SLC20A2: variants seen among roughly 807,000 people sequenced by gnomAD.
SLC20A2 encodes solute carrier family 20 member 2.
Under a neutral mutation model 61.0 loss-of-function variants are expected in SLC20A2, and 30 were observed. The ratio of observed to expected loss-of-function variants is 0.49; its 90% CI spans 0.37 to 0.67. The LOEUF is 0.67. Ranked by LOEUF, SLC20A2 falls within the 30% of genes least tolerant of loss-of-function variation. SLC20A2 has a pLI of 0.00. For synonymous variants in SLC20A2, 351 were observed against 353.3 expected (o/e 0.99, Z 0.07); for missense variants, 626 against 866.4 (o/e 0.72, Z 3.48).
chr8:42,488,824 C>T (rs1809261346), intron 1 of SLC20A2, among the ~76,000 whole-genome samples: 2 of 151,976 alleles, frequency 1.3e-5, no homozygotes, highest in Middle Eastern at 3.4e-3. Context: ...CATCTTTTCA[C>T]ATGCTTGTTG....
chr8:42,503,867 C>G (rs1810471444), upstream of SLC20A2, among the ~76,000 whole-genome samples: 1 of 152,172 alleles, frequency 6.6e-6, no homozygotes, highest in Admixed American at 6.5e-5. Flanking sequence ...CAAGAAACAT[C>G]AACTAAATAC....
At chr8:42,451,409 GAGA>G (rs1194246459) in intron 5 of SLC20A2, among the ~76,000 whole-genome samples, 1 of 147,730 alleles carries the variant, frequency 6.8e-6, no homozygotes, top group Non-Finnish European at 1.5e-5. Context: ...AGAGATAGAG[GAGA>G]AGGAGTAGGA....
At chr8:42,456,078 C>T (rs1026106028) in intron 5 of SLC20A2, among the ~76,000 whole-genome samples, 1 of 151,928 alleles carries the variant, frequency 6.6e-6, no homozygotes, top group Non-Finnish European at 1.5e-5. Context: ...ATTTACTCTC[C>T]CAGTAAGATG....
At chr8:42,527,784 A>G (rs1812072616) in intron 1 of SLC20A2, among the ~76,000 whole-genome samples, 1 of 152,184 alleles carries the variant, frequency 6.6e-6, no homozygotes, top group South Asian at 2.1e-4. Context: ...AAATAAATAA[A>G]TAAAGGAAAA....
At chr8:42,519,443 TAA>T (rs11284092) in intron 1 of SLC20A2, among the ~76,000 whole-genome samples, 9 of 136,422 alleles carry the variant, frequency 6.6e-5, no homozygotes, top group African/African-American at 1.2e-4. Context: ...GACTCCATCT[TAA>T]AAAAAAAAAA....
chr8:42,540,460 C>T (rs566954548), intron 1 of SLC20A2, among the ~76,000 whole-genome samples: 17 of 152,200 alleles, frequency 1.1e-4, no homozygotes, highest in African/African-American at 3.9e-4. Flanking sequence ...TCCTGATTTT[C>T]CAACTTTAGA....
chr8:42,510,125 G>T (rs992755012), intron 1 of SLC20A2, among the ~76,000 whole-genome samples: 1 of 152,092 alleles, frequency 6.6e-6, no homozygotes, highest in Non-Finnish European at 1.5e-5. Flanking sequence ...TTTATTACTT[G>T]AATCAACAAA....
In SLC20A2 at chr8:42,416,642, A is replaced by T. The variant is rs1215322031; in HGVS notation, c.*1161T>A. 1.3e-5 allele frequency: 2 copies of T among 152,248 alleles called. No individual in the cohort carries two copies. Among genetic ancestry groups the T allele is most frequent in the African/African-American group, 4.8e-5 (2 of 41,296 alleles). The allele number at this position is 152,248 out of a possible 1,614,324, so 9.4% of individuals were successfully genotyped here. ...CCTCCCGCTATCAAAAAAAGAAGAG[A>T]CTCCAATGGGATGGAGTAGAGCCTG... is the stretch of plus-strand genomic sequence containing the variant. On this transcript the variant is annotated 3_prime_UTR_variant, in exon 11 of 11. Transcript: ENST00000520262.
chr8:42,531,693 G>A (rs1424279569), intron 1 of SLC20A2, among the ~76,000 whole-genome samples: 1 of 152,086 alleles, frequency 6.6e-6, no homozygotes, highest in East Asian at 1.9e-4. Context: ...GAAACGAAAA[G>A]GGTTGGTTGT....
chr8:42,469,329 C>CA lies in SLC20A2; in HGVS notation c.289+2772dup, dbSNP rs368452294. Among the ~76,000 whole-genome samples, 394 of 141,270 alleles carry CA rather than the reference C, an allele frequency of 2.8e-3. 2 individuals are homozygous for CA. Among genetic ancestry groups the CA allele is most frequent in the Middle Eastern group, 3.6e-3 (1 of 274 alleles). 92.7% of individuals were successfully genotyped at this position (141,270 alleles called of 152,430 possible). A position where few individuals can be genotyped will look rare whatever the true frequency, so the allele number is the denominator to read the frequency against. ...CTTTGAGATTCATTTAACCACATAC[C>CA]AAAAAAAAAAAAGTTTAAAAACCAA... On this transcript the variant is annotated intron_variant, in intron 2 of 10. Coordinates refer to ENST00000520262, the MANE Select transcript of SLC20A2 (RefSeq NM_001257180.2).
At chr8:42,497,448 T>C (rs1810008878) in intron 1 of SLC20A2, among the ~76,000 whole-genome samples, 1 of 152,118 alleles carries the variant, frequency 6.6e-6, no homozygotes, top group South Asian at 2.1e-4. Context: ...GAATCTGCAT[T>C]TCTCACATGT....
chr8:42,450,603 A>G (rs1347837538), intron 5 of SLC20A2, among the ~76,000 whole-genome samples: 1 of 151,890 alleles, frequency 6.6e-6, no homozygotes, highest in Non-Finnish European at 1.5e-5. Flanking sequence ...CACTCACTGC[A>G]GCCTCCGCCT....
intron 3 of SLC20A2, 194 bp from the exon 4 acceptor site, chr8:42,463,284 C>T: frequency 4.3e-6 from 2 of 467,576 alleles, no homozygotes; most frequent in South Asian, 6.4e-5. Flanking sequence ...TGGCCACACT[C>T]AGACATCAAC....
intron 2 of SLC20A2, among the ~76,000 whole-genome samples, chr8:42,466,854 G>C (rs1184350698): frequency 6.7e-6 from 1 of 149,358 alleles, no homozygotes; most frequent in Non-Finnish European, 1.5e-5. Context: ...TTTTTTTGCA[G>C]AGACAGGATT....
chr8:42,465,098 C>T (rs1439041151), intron 3 of SLC20A2, among the ~76,000 whole-genome samples: 2 of 151,900 alleles, frequency 1.3e-5, no homozygotes, highest in African/African-American at 4.8e-5. Flanking sequence ...TGCTTTGTTG[C>T]CCAGGCTGGA....
intron 7 of SLC20A2, among the ~76,000 whole-genome samples, chr8:42,438,089 A>C (rs867115906): frequency 8.3e-5 from 12 of 144,350 alleles, no homozygotes; most frequent in East Asian, 2.0e-4. Context: ...AAAAAAAAAA[A>C]CATGGAAACA....
chr8:42,465,967 G>C, intron 2 of SLC20A2, 50 bp from the exon 3 acceptor site: 1 of 1,495,066 alleles, frequency 6.7e-7, no homozygotes, highest in Non-Finnish European at 9.0e-7. Flanking sequence ...CAGAGGTGCA[G>C]ACACCAAGGG....
intron 1 of SLC20A2, among the ~76,000 whole-genome samples, chr8:42,520,972 G>T (rs945083922): frequency 0.019 from 2,263 of 120,722 alleles, 302 homozygotes; most frequent in African/African-American, 0.054. Context: ...TTAAAACAAG[G>T]TGCAATGTAT....
chr8:42,528,427 A>C (rs1289115687), intron 1 of SLC20A2, among the ~76,000 whole-genome samples: 1 of 151,782 alleles, frequency 6.6e-6, no homozygotes, highest in Non-Finnish European at 1.5e-5. Context: ...ATGCCACTGC[A>C]CTCCAGCCTG....
Sources: gnomAD v4.1 joint callset for allele counts (sites outside exome capture counted in the v4.1 genomes callset) on GRCh38, gnomAD v4.1.1 for gene constraint, MANE v1.5 for transcripts, NCBI Gene and HGNC (gene_info 2026-07-23, HGNC 2026-07-21) for gene names.